The following SNAPC3 variants were observed in gnomAD, a reference collection of about 807,000 sequenced individuals.
SNAPC3 encodes the protein snRNA-activating protein complex subunit 3.
In SNAPC3, 56 loss-of-function variants were observed where a neutral mutation model predicts 47.7. The observed-to-expected ratio is 1.18, with a 90% CI of 0.95 to 1.47. SNAPC3 has a LOEUF of 1.47. Ranked by LOEUF, SNAPC3 falls within the 40% of genes most tolerant of loss-of-function variation. The pLI is 0.00. For missense variants in SNAPC3, 665 were observed against 511.3 expected (o/e 1.30, Z -2.90); for synonymous variants, 235 against 189.9 (o/e 1.24, Z -1.95).
At chr9:15,443,927 G>C (rs1323261535) in intron 3 of SNAPC3, among the ~76,000 whole-genome samples, 1 of 152,174 alleles carries the variant, frequency 6.6e-6, no homozygotes, top group Non-Finnish European at 1.5e-5. Context: ...TCAGGTTCCA[G>C]AGTTCCCAAA....
intron 3 of SNAPC3, among the ~76,000 whole-genome samples, chr9:15,444,307 A>G (rs1364528757): frequency 6.6e-6 from 1 of 152,242 alleles, no homozygotes; most frequent in African/African-American, 2.4e-5. Context: ...TTATACCAAC[A>G]TTAGTTGATA....
intron 8 of SNAPC3, 113 bp from the exon 9 acceptor site, chr9:15,459,606 A>G: frequency 1.2e-6 from 1 of 812,774 alleles, no homozygotes; most frequent in Non-Finnish European, 2.0e-6. Context: ...TGCATTAATA[A>G]CAGACTGATA....
intron 5 of SNAPC3, among the ~76,000 whole-genome samples, chr9:15,448,358 A>G (rs1293627226): frequency 6.6e-6 from 1 of 151,842 alleles, no homozygotes; most frequent in Non-Finnish European, 1.5e-5. Flanking sequence ...GAATTTGTGT[A>G]TTTTCATCAG....
chr9:15,449,398 C>G (rs1342631995), intron 5 of SNAPC3, among the ~76,000 whole-genome samples: 1 of 151,800 alleles, frequency 6.6e-6, no homozygotes, highest in Non-Finnish European at 1.5e-5. Flanking sequence ...TTTAACCAGG[C>G]TTTGTCAATT....
intron 2 of SNAPC3, among the ~76,000 whole-genome samples, chr9:15,427,221 G>C (rs1317632234): frequency 6.6e-6 from 1 of 152,206 alleles, no homozygotes; most frequent in Non-Finnish European, 1.5e-5. Context: ...TGGCAGTTTT[G>C]ACATTTTTTT....
chr9:15,434,232 C>T (rs1287243821), intron 3 of SNAPC3, among the ~76,000 whole-genome samples: 1 of 152,068 alleles, frequency 6.6e-6, no homozygotes, highest in African/African-American at 2.4e-5. Flanking sequence ...TAAATCATCA[C>T]CATTTCCAGA....
chr9:15,423,969 T>G lies in SNAPC3; in HGVS notation c.375T>G (p.Thr125=). ...GEDPEVIPEN[T]DLVTLGVRKR... is the part of the protein sequence containing the mutation. ...ATCCAGAAGTCATTCCGGAGAATAC[T>G]GACCTGGTGACTTTGGGGTATGGAG... Residue 125 remains threonine, a synonymous_variant, in exon 2 of 9, where the codon ACT becomes ACG. Transcript: ENST00000380821. 1 of 1,577,878 alleles carries G rather than the reference T, an allele frequency of 6.3e-7. No homozygotes were observed. Among genetic ancestry groups the G allele is most frequent in the South Asian group, 1.2e-5 (1 of 84,990 alleles).
intron 3 of SNAPC3, among the ~76,000 whole-genome samples, chr9:15,436,827 T>G (rs1370706523): frequency 6.7e-6 from 1 of 149,932 alleles, no homozygotes; most frequent in East Asian, 1.9e-4. Flanking sequence ...GCAGTTTTTT[T>G]TTTTTTTTTT....
At chr9:15,462,977 A>G (rs1036361959), downstream of SNAPC3, 2 of 152,290 alleles carry the variant, frequency 1.3e-5, no homozygotes, top group Non-Finnish European at 2.9e-5. Flanking sequence ...TCTTGACCTA[A>G]CATCTGTAAC....
intron 2 of SNAPC3, among the ~76,000 whole-genome samples, chr9:15,424,459 A>C (rs113452403): frequency 6.6e-6 from 1 of 152,242 alleles, no homozygotes; most frequent in African/African-American, 2.4e-5. Context: ...TCTTGTTTTT[A>C]AAAATTTTTA....
chr9:15,422,895 C>A lies in SNAPC3; in HGVS notation c.16C>A (p.Arg6=). The change falls in exon 1 of 9, where the codon CGA becomes AGA. Residue 6 remains arginine (R), a synonymous_variant. Coordinates refer to ENST00000380821, the MANE Select transcript of SNAPC3 (RefSeq NM_001039697.2). ...TGGGGCGAACATGGCTGAAGGAAGC[C>A]GAGGTGGCCCTACGTGTAGCGGGGT... The part of the protein sequence containing the change: MAEGS[R]GGPTCSGVGG... 6.5e-7 allele frequency: 1 copy of A among 1,534,606 alleles called. No homozygotes were observed. Among genetic ancestry groups the A allele is most frequent in the Non-Finnish European group, 8.8e-7 (1 of 1,141,076 alleles).
At chr9:15,453,840 G>A (rs112540337) in intron 7 of SNAPC3, among the ~76,000 whole-genome samples, 15 of 152,266 alleles carry the variant, frequency 9.9e-5, no homozygotes, top group African/African-American at 3.6e-4. Flanking sequence ...CCTTATGAGA[G>A]ACCATTTAAA....
rs1219206363 is a variant in SNAPC3, at chr9:15,457,244, G to C, written c.981-716G>C. Among the ~76,000 whole-genome samples, 3 of 152,246 alleles carry C rather than the reference G, an allele frequency of 2.0e-5. No individual in the cohort carries two copies. The East Asian group carries it at 5.8e-4, about 29-fold the overall frequency. On this transcript the variant is annotated intron_variant, in intron 7 of 8. Transcript: ENST00000380821. Reference sequence around the variant, plus strand: ...AACAAGAGGCACATTGTAACAACCAGTTAATCTAGGTAAAATATCACTGAG... The same window carrying C: ...AACAAGAGGCACATTGTAACAACCACTTAATCTAGGTAAAATATCACTGAG...
chr9:15,463,190 A>T (rs1036393123), downstream of SNAPC3: 1 of 146,112 alleles, frequency 6.8e-6, no homozygotes, highest in Non-Finnish European at 1.5e-5. Context: ...TTCAATGGTC[A>T]GTTCTGCTTG....
chr9:15,453,070 A>C lies in SNAPC3; in HGVS notation c.845A>C (p.Asp282Ala), dbSNP rs1193496393. ...RTIIEWSESH[D>A]RGYGKFQTAR... ...ATCATTGAGTGGTCAGAGTCCCATG[A>C]TAGAGGCTATGGAAAGTTTCAGACT... The change falls in exon 7 of 9, where the codon GAT becomes GCT. Residue 282 changes from aspartate to alanine, a missense_variant. Transcript: ENST00000380821. 1 of 1,613,700 alleles carries C rather than the reference A, an allele frequency of 6.2e-7. No homozygotes were observed. Among genetic ancestry groups the C allele is most frequent in the Admixed American group, 1.7e-5 (1 of 60,000 alleles).
In SNAPC3 at chr9:15,422,906, T is replaced by A; in HGVS notation, c.27T>A (p.Pro9=). MAEGSRGG[P]TCSGVGGRQD... ...TGGCTGAAGGAAGCCGAGGTGGCCC[T>A]ACGTGTAGCGGGGTGGGTGGCAGGC... Residue 9 remains proline, a synonymous_variant, in exon 1 of 9, where the codon CCT becomes CCA. Coordinates refer to ENST00000380821, the MANE Select transcript of SNAPC3 (RefSeq NM_001039697.2). 1 of 1,535,762 alleles carries A rather than the reference T, an allele frequency of 6.5e-7. No homozygotes were observed. The highest frequency in any genetic ancestry group is 8.8e-7 in the Non-Finnish European group (1 of 1,141,676).
intron 2 of SNAPC3, among the ~76,000 whole-genome samples, chr9:15,431,106 C>T (rs2032086681): frequency 6.6e-6 from 1 of 152,316 alleles, no homozygotes; most frequent in Admixed American, 6.5e-5. Context: ...GCAGTGCACA[C>T]AGCTTCCCCA....
At chr9:15,455,833 G>A (rs1413835006) in intron 7 of SNAPC3, among the ~76,000 whole-genome samples, 1 of 151,898 alleles carries the variant, frequency 6.6e-6, no homozygotes, top group South Asian at 2.1e-4. Flanking sequence ...CAAGTAGCTG[G>A]GATTACAGGC....
chr9:15,447,330 T>A, intron 5 of SNAPC3, 86 bp downstream of exon 5: 2 of 1,206,202 alleles, frequency 1.7e-6, no homozygotes, highest in Non-Finnish European at 2.4e-6. Context: ...AATGTCCCAG[T>A]AAATCCTTTT....
Sources: gnomAD v4.1 joint callset for allele counts (sites outside exome capture counted in the v4.1 genomes callset) on GRCh38, gnomAD v4.1.1 for gene constraint, MANE v1.5 for transcripts, NCBI Gene and HGNC (gene_info 2026-07-23, HGNC 2026-07-21) for gene names.